Variants in GGN observed in about 807,000 individuals in gnomAD.
GGN encodes the protein gametogenetin.
Under a neutral mutation model 35.5 loss-of-function variants are expected in GGN, and 27 were observed. The observed-to-expected ratio is 0.76, with a 90% CI of 0.56 to 1.05. The LOEUF is 1.05. Among genes scored for constraint, GGN ranks in the 50% least tolerant of loss-of-function variants. The pLI, the probability that GGN is intolerant of heterozygous loss-of-function variation, is 0.00. For missense variants in GGN, 1,006 were observed against 940.7 expected (o/e 1.07, Z -0.91); for synonymous variants, 425 against 444.1 (o/e 0.96, Z 0.54).
At chr19:38,385,063 G>A (rs891163180) in intron 3 of GGN, among the ~76,000 whole-genome samples, 7 of 152,192 alleles carry the variant, frequency 4.6e-5, no homozygotes, top group Non-Finnish European at 1.0e-4. Context: ...ATCCCTGAGT[G>A]GCCTCGGACG....
chr19:38,386,615 G>A lies in GGN; in HGVS notation c.647C>T (p.Ala216Val). Residue 216 changes from alanine to valine, a missense_variant, in exon 3 of 4, where the codon GCT becomes GTT. Coordinates refer to ENST00000334928, the MANE Select transcript of GGN (RefSeq NM_152657.4). ...CGCATGGGGAGGCGCCCCTCCGCGA[G>A]CCCTGCCGGCCGTCTGGCCCTGGTT... ...PRNQGQTAGR[A>V]RGGAPPHAGE... The A allele has an allele frequency of 6.2e-7, 1 of 1,612,780 alleles. No individual in the cohort carries two copies. Among genetic ancestry groups the A allele is most frequent in the Non-Finnish European group, 8.5e-7 (1 of 1,179,466 alleles).
intron 3 of GGN, among the ~76,000 whole-genome samples, 194 bp from the exon 4 acceptor site, chr19:38,384,723 C>T (rs1252587800): frequency 6.6e-6 from 1 of 152,214 alleles, no homozygotes; most frequent in African/African-American, 2.4e-5. Context: ...CCCAGCTAAG[C>T]TTCAAGAGGT....
chr19:38,388,219 A>T, upstream of GGN: 2 of 306,512 alleles, frequency 6.5e-6, no homozygotes, highest in Middle Eastern at 8.5e-4. Flanking sequence ...ACCCGGCAAC[A>T]TCGCTTCTCA....
In GGN at chr19:38,385,771, G is replaced by T. The variant is rs1310585282; in HGVS notation, c.1491C>A (p.Ser497=). The T allele has an allele frequency of 3.2e-6, 5 of 1,574,996 alleles. No individual in the cohort carries two copies. Among genetic ancestry groups the T allele is most frequent in the Non-Finnish European group, 4.3e-6 (5 of 1,164,266 alleles). Residue 497 remains serine (S), a synonymous_variant, in exon 3 of 4, where the codon TCC becomes TCA. Coordinates refer to ENST00000334928, the MANE Select transcript of GGN (RefSeq NM_152657.4). ...ALAADQAPAP[S]PAPAPTVAEP... is the part of the protein sequence containing the mutation. ...CAGCCACGGTGGGAGCTGGAGCCGGGGATGGGGCCGGGGCCTGGTCGGCGG... is the reference window on the plus strand; with the variant it reads ...CAGCCACGGTGGGAGCTGGAGCCGGTGATGGGGCCGGGGCCTGGTCGGCGG...
rs750353054 is a variant in GGN, at chr19:38,386,042, G to T, written c.1220C>A (p.Ala407Glu). Residue 407 changes from alanine (A) to glutamate (E), a missense_variant, in exon 3 of 4, where the codon GCA becomes GAA. Ala to Glu is a moderately radical substitution (Grantham distance 107). Coordinates refer to ENST00000334928, the MANE Select transcript of GGN (RefSeq NM_152657.4). ...IHSAPGPRRPAPALLAPPTFI... is the reference protein window; with the variant it reads ...IHSAPGPRRPEPALLAPPTFI... ...CGTAGGCGGCGCCAGCAGGGCAGGT[G>T]CGGGCCTCCGGGGCCCGGGAGCTGA... 2 of 1,600,192 alleles carry T rather than the reference G, an allele frequency of 1.2e-6. No homozygotes were observed. Among genetic ancestry groups the T allele is most frequent in the South Asian group, 2.2e-5 (2 of 89,216 alleles).
At position 38,387,234 on chromosome 19, in the gene GGN, C is replaced by T; in HGVS notation, c.28G>A (p.Ala10Thr). The change falls in exon 3 of 4, where the codon GCG (alanine) becomes ACG (threonine). Residue 10 changes from alanine to threonine, a missense_variant. Ala to Thr is a moderately conservative substitution (Grantham distance 58, BLOSUM62 0). Transcript: ENST00000334928. The surrounding 1 kb of genome is among the most constrained non-coding windows in gnomAD (Gnocchi z 5.3). MGNLQSEPS[A>T]GGGSRKVQPS... Reference sequence around the variant, plus strand: ...TGCACTTTTCGGGAGCCCCCGCCCGCGGATGGCTCCGACTGCAAGTTCCCC... The same window carrying T: ...TGCACTTTTCGGGAGCCCCCGCCCGTGGATGGCTCCGACTGCAAGTTCCCC... 6.3e-7 allele frequency: 1 copy of T among 1,596,108 alleles called. No individual in the cohort carries two copies. The highest frequency in any genetic ancestry group is 8.5e-7 in the Non-Finnish European group (1 of 1,172,474).
Position 38,386,961 on chromosome 19 carries a change from CG to C in GGN, c.300del (p.Ala101ArgfsTer42). 6.5e-7 allele frequency: 1 copy of C among 1,537,860 alleles called. No homozygotes were observed. The highest frequency in any genetic ancestry group is 8.8e-7 in the Non-Finnish European group (1 of 1,142,282). ...AAAVSAPPPA[P>X]AGTLLPGPSK... ...GACGGGCCGGGCAGCAGAGTCCCCG[CG>C]GGGGCCGGGGGTGGTGCAGAGACCG... On this transcript the variant is annotated frameshift_variant, in exon 3 of 4. Coordinates refer to ENST00000334928, the MANE Select transcript of GGN (RefSeq NM_152657.4). LOFTEE classifies it high-confidence loss of function.
chr19:38,385,742 G>T lies in GGN; in HGVS notation c.1520C>A (p.Pro507His), dbSNP rs564389087. The change falls in exon 3 of 4, where the codon CCC becomes CAC. Residue 507 changes from proline to histidine, a missense_variant. Physicochemically the swap from Pro to His is moderately conservative, Grantham distance 77 (BLOSUM62 -2). Transcript: ENST00000334928. ...SPAPAPTVAE[P>H]SPPVSAPAPA... is the part of the protein sequence containing the mutation. The stretch of plus-strand genomic sequence containing the variant: ...TGCGGGCGCGGACACAGGCGGCGAG[G>T]GCTCAGCCACGGTGGGAGCTGGAGC... The T allele has an allele frequency of 6.2e-7, 1 of 1,603,542 alleles. No homozygotes were observed. The highest frequency in any genetic ancestry group is 1.3e-5 in the African/African-American group (1 of 74,856).
At position 38,387,035 on chromosome 19, in the gene GGN, G is replaced by A. The variant is rs757818079; in HGVS notation, c.227C>T (p.Thr76Ile). The A allele has an allele frequency of 2.6e-6, 4 of 1,554,094 alleles. No homozygotes were observed. The highest frequency in any genetic ancestry group is 3.5e-6 in the Non-Finnish European group (4 of 1,148,638). The change falls in exon 3 of 4, where the codon ACC (threonine) becomes ATC (isoleucine). Residue 76 changes from threonine (T) to isoleucine (I), a missense_variant. By Grantham distance (89) the Thr-to-Ile change is moderately conservative. Transcript: ENST00000334928. The surrounding 1 kb of genome is among the most constrained non-coding windows in gnomAD (Gnocchi z 5.3). ...PQASPSTLPLTLERPSPVMPP... is the reference protein window; with the variant it reads ...PQASPSTLPLILERPSPVMPP... ...CATCACTGGAGAGGGCCGTTCTAAG[G>A]TGAGGGGCAGGGTCGAGGGTGAGGC...
At position 38,386,734 on chromosome 19, in the gene GGN, T is replaced by C; in HGVS notation, c.528A>G (p.Pro176=). 2.5e-6 allele frequency: 4 copies of C among 1,608,824 alleles called. No homozygotes were observed. Among genetic ancestry groups the C allele is most frequent in the Non-Finnish European group, 3.4e-6 (4 of 1,176,626 alleles). The part of the protein sequence containing the change: ...PPLETWKPPP[P]LPSERQPADR... ...CCGCCGGCTGCCGTTCAGAAGGTAA[T>C]GGTGGTGGCGGCTTCCAAGTCTCCA... is the stretch of plus-strand genomic sequence containing the variant. Residue 176 remains proline, a synonymous_variant, in exon 3 of 4, where the codon CCA becomes CCG. Coordinates refer to ENST00000334928, the MANE Select transcript of GGN (RefSeq NM_152657.4).
rs768016005 is a variant in GGN at position 38,386,706 on chromosome 19, G to A, written c.556C>T (p.Arg186Cys). 1.2e-6 allele frequency: 2 copies of A among 1,606,214 alleles called. No homozygotes were observed. Among genetic ancestry groups the A allele is most frequent in the Non-Finnish European group, 1.7e-6 (2 of 1,175,228 alleles). The change falls in exon 3 of 4, where the codon CGC becomes TGC. Residue 186 changes from arginine to cysteine, a missense_variant. Coordinates refer to ENST00000334928, the MANE Select transcript of GGN (RefSeq NM_152657.4). Reference protein sequence around the residue: ...PLPSERQPADRRITPALATPA... With the variant: ...PLPSERQPADCRITPALATPA... ...GTGGCCAGAGCAGGAGTGATTCTGCGGTCCGCCGGCTGCCGTTCAGAAGGT... is the reference window on the plus strand; with the variant it reads ...GTGGCCAGAGCAGGAGTGATTCTGCAGTCCGCCGGCTGCCGTTCAGAAGGT...
intron 3 of GGN, among the ~76,000 whole-genome samples, 173 bp from the exon 4 acceptor site, chr19:38,384,702 C>T (rs1240969918): frequency 6.6e-6 from 1 of 152,228 alleles, no homozygotes; most frequent in Non-Finnish European, 1.5e-5. Flanking sequence ...GAGCTGAGGG[C>T]TGGCGAGTGT....
In GGN at chr19:38,385,784, G is replaced by GCCGGGGCCGGGGATGGGGCCGGGA. The variant is rs1568390639; in HGVS notation, c.1477_1478insTCCCGGCCCCATCCCCGGCCCCGG (p.Gln492_Ala493insValProAlaProSerProAlaPro). Reference sequence around the variant, plus strand: ...AGCTGGAGCCGGGGATGGGGCCGGGGCCTGGTCGGCGGCTAAGGCTGGGGG... The same window carrying GCCGGGGCCGGGGATGGGGCCGGGA: ...AGCTGGAGCCGGGGATGGGGCCGGGGCCGGGGCCGGGGATGGGGCCGGGACCTGGTCGGCGGCTAAGGCTGGGGG... On this transcript the variant is annotated inframe_insertion, in exon 3 of 4. Coordinates refer to ENST00000334928, the MANE Select transcript of GGN (RefSeq NM_152657.4). The GCCGGGGCCGGGGATGGGGCCGGGA allele has an allele frequency of 6.4e-7, 1 of 1,555,764 alleles. No individual in the cohort carries two copies.
rs1165387228 is a variant in GGN at position 38,385,753 on chromosome 19, G to A, written c.1509C>T (p.Thr503=). The A allele has an allele frequency of 6.3e-7, 1 of 1,595,828 alleles. No individual in the cohort carries two copies. Among genetic ancestry groups the A allele is most frequent in the East Asian group, 2.3e-5 (1 of 44,404 alleles). The change falls in exon 3 of 4, where the codon ACC becomes ACT. Residue 503 remains threonine, a synonymous_variant. Coordinates refer to ENST00000334928, the MANE Select transcript of GGN (RefSeq NM_152657.4). ...ACACAGGCGGCGAGGGCTCAGCCAC[G>A]GTGGGAGCTGGAGCCGGGGATGGGG... is the stretch of plus-strand genomic sequence containing the variant. The part of the protein sequence containing the change: ...APAPSPAPAP[T]VAEPSPPVSA...
In GGN at chr19:38,385,765, A is replaced by AGCCGGGGATGGG. The variant is rs1555744372; in HGVS notation, c.1485_1496dup (p.Ser497_Pro500dup). The AGCCGGGGATGGG allele has an allele frequency of 5.6e-5, 88 of 1,575,810 alleles. No homozygotes were observed. The African/African-American group carries it at 1.1e-3, about 20-fold the overall frequency. On this transcript the variant is annotated inframe_insertion, in exon 3 of 4. Coordinates refer to ENST00000334928, the MANE Select transcript of GGN (RefSeq NM_152657.4). ...AGGGCTCAGCCACGGTGGGAGCTGGAGCCGGGGATGGGGCCGGGGCCTGGT... is the reference window on the plus strand; with the variant it reads ...AGGGCTCAGCCACGGTGGGAGCTGGAGCCGGGGATGGGGCCGGGGATGGGGCCGGGGCCTGGT...
Position 38,387,443 on chromosome 19 carries a change from C to G in GGN, c.-19-163G>C, listed in dbSNP as rs538536830. Among the ~76,000 whole-genome samples the G allele has an allele frequency of 6.6e-6, 1 of 152,116 alleles. No homozygotes were observed. The highest frequency in any genetic ancestry group is 1.5e-5 in the Non-Finnish European group (1 of 68,008). On this transcript the variant is annotated intron_variant, in intron 2 of 3. Transcript: ENST00000334928. This position sits in a 1 kb window ranked among gnomAD's most constrained non-coding sequence, Gnocchi z 5.3. ...CACTCCTGTTCCCCGACCTTCGACA[C>G]TCACGCCTTCTTGCCCATGTCCCCA...
At chr19:38,385,400 C>T (rs377492774) in intron 3 of GGN, 21 bp downstream of exon 3, 2 of 1,613,088 alleles carry the variant, frequency 1.2e-6, no homozygotes, top group Non-Finnish European at 1.7e-6. Context: ...CGGCACCCTC[C>T]TGTCCCTTCT....
Position 38,385,856 on chromosome 19 carries a change from A to T in GGN, c.1406T>A (p.Leu469Gln). The change falls in exon 3 of 4, where the codon CTG (leucine) becomes CAG (glutamine). Residue 469 changes from leucine (L) to glutamine (Q), a missense_variant. By Grantham distance (113) the Leu-to-Gln change is moderately radical. Coordinates refer to ENST00000334928, the MANE Select transcript of GGN (RefSeq NM_152657.4). ...AGCCAGGGCTGACTCCTTGTGGCCC[A>T]GACCCGGGGTGAGCGGGGGAGCCAC... ...LPVAPPLTPG[L>Q]GHKESALAPT... The T allele has an allele frequency of 6.5e-7, 1 of 1,543,556 alleles. No individual in the cohort carries two copies. Among genetic ancestry groups the T allele is most frequent in the Non-Finnish European group, 8.7e-7 (1 of 1,148,050 alleles).
chr19:38,385,013 C>T (rs1364462568), intron 3 of GGN, among the ~76,000 whole-genome samples: 1 of 152,174 alleles, frequency 6.6e-6, no homozygotes, highest in African/African-American at 2.4e-5. Context: ...GTGCATCTAC[C>T]CCCATTTAGT....
Sources: gnomAD v4.1 joint callset for allele counts (sites outside exome capture counted in the v4.1 genomes callset) on GRCh38, gnomAD v4.1.1 for gene constraint, Gnocchi (gnomAD v3.1) non-coding constraint, MANE v1.5 for transcripts, NCBI Gene and HGNC (gene_info 2026-07-23, HGNC 2026-07-21) for gene names.